The following PLEKHG4B variants were observed in gnomAD, a reference collection of about 807,000 sequenced individuals.
The protein encoded by PLEKHG4B is pleckstrin homology and RhoGEF domain containing G4B.
In PLEKHG4B, 111 loss-of-function variants were observed where a neutral mutation model predicts 121.3. The observed-to-expected ratio is 0.92, with a 90% CI of 0.78 to 1.07. The LOEUF is 1.07. PLEKHG4B is among the 50% of genes least tolerant of loss of function. The probability of loss-of-function intolerance (pLI) is 0.00; values close to 1 mark genes in which losing one functional copy is unlikely to be tolerated. For missense variants in PLEKHG4B, 1,831 were observed against 1,757.8 expected, an observed-to-expected ratio of 1.04 and a Z score of -0.74; for synonymous variants, 738 against 725.0, an observed-to-expected ratio of 1.02 and a Z score of -0.29.
In PLEKHG4B at chr5:181,502, C is replaced by A; in HGVS notation, c.4403-12C>A. 1 of 1,610,948 alleles carries A rather than the reference C, an allele frequency of 6.2e-7. No individual in the cohort carries two copies. The highest frequency in any genetic ancestry group is 8.5e-7 in the Non-Finnish European group (1 of 1,178,344). On this transcript the variant is annotated splice_polypyrimidine_tract_variant and intron_variant, in intron 18 of 19. Transcript: ENST00000637938. ...GTTGCTTTGGAAACTGTCATACTTTCTTCTGTCTTAGAACTCAGAATCCAA... is the reference window on the plus strand; with the variant it reads ...GTTGCTTTGGAAACTGTCATACTTTATTCTGTCTTAGAACTCAGAATCCAA...
chr5:143,272 A>G lies in PLEKHG4B; in HGVS notation c.1687+16A>G, dbSNP rs776335363. 9 of 1,609,476 alleles carry G rather than the reference A, an allele frequency of 5.6e-6. No individual in the cohort carries two copies. In the East Asian group the frequency reaches 2.0e-4, roughly 36 times the overall value. ...ACCCTCCCAGGTGAGAGCACATGCC[A>G]GGCTCTCCTGTCAGGGCGGATCTGA... On this transcript the variant is annotated intron_variant, in intron 4 of 19. Coordinates refer to ENST00000637938, the MANE Select transcript of PLEKHG4B (RefSeq NM_052909.5).
chr5:179,240 C>T (rs1736859139), intron 18 of PLEKHG4B, among the ~76,000 whole-genome samples: 1 of 152,086 alleles, frequency 6.6e-6, no homozygotes, highest in Non-Finnish European at 1.5e-5. Flanking sequence ...TTTGACTAAC[C>T]TTGTCTTTAA....
intron 2 of PLEKHG4B, among the ~76,000 whole-genome samples, chr5:131,476 G>T (rs1364614433): frequency 3.3e-5 from 5 of 152,094 alleles, no homozygotes; most frequent in Admixed American, 3.3e-4. Context: ...GTATTCCATG[G>T]TGTATATGTG....
chr5:99,497 T>C lies in PLEKHG4B; in HGVS notation c.45+7221T>C, dbSNP rs756500034. Among the ~76,000 whole-genome samples the C allele has an allele frequency of 2.6e-5, 4 of 152,196 alleles. No homozygotes were observed. In the South Asian group the frequency reaches 8.3e-4, roughly 31 times the overall value. On this transcript the variant is annotated intron_variant, in intron 1 of 19. Transcript: ENST00000637938. ...TTCCTAGGTATTTAATTCTTTTAGATGCTATTGTGAATGGAATCATTTTCT... is the reference window on the plus strand; with the variant it reads ...TTCCTAGGTATTTAATTCTTTTAGACGCTATTGTGAATGGAATCATTTTCT...
intron 6 of PLEKHG4B, among the ~76,000 whole-genome samples, chr5:150,267 C>G (rs1222133884): frequency 6.6e-6 from 1 of 152,192 alleles, no homozygotes. Context: ...CACAAAAAGA[C>G]AAACATTCCA....
At position 151,552 on chromosome 5, in the gene PLEKHG4B, G is replaced by A. The variant is rs1041666265; in HGVS notation, c.1945G>A (p.Val649Ile). Residue 649 changes from valine (V) to isoleucine (I), a missense_variant, in exon 7 of 20, where the codon GTA (valine) becomes ATA (isoleucine). By Grantham distance (29) the Val-to-Ile change is conservative (BLOSUM62 3). Transcript: ENST00000637938. ...SPIIHSILLLVDKESAFRPDK... is the reference protein window; with the variant it reads ...SPIIHSILLLIDKESAFRPDK... ...TATAATTCATAGTATCTTGCTGTTG[G>A]TAGATAAAGAATCTGCATTTAGGCC... The A allele has an allele frequency of 6.3e-7, 1 of 1,590,274 alleles. No individual in the cohort carries two copies. Among genetic ancestry groups the A allele is most frequent in the Non-Finnish European group, 8.6e-7 (1 of 1,159,460 alleles).
rs975657660 is a variant in PLEKHG4B at position 156,972 on chromosome 5, G to A, written c.2487+61G>A. 8 of 1,586,110 alleles carry A rather than the reference G, an allele frequency of 5.0e-6. No homozygotes were observed. Among genetic ancestry groups the A allele is most frequent in the Non-Finnish European group, 6.9e-6 (8 of 1,165,434 alleles). Reference sequence around the variant, plus strand: ...TCCCCTCCAGGCCAGGCTGGCCAAGGCAACCCTCTCACCTTCACACTGTGT... The same window carrying A: ...TCCCCTCCAGGCCAGGCTGGCCAAGACAACCCTCTCACCTTCACACTGTGT... On this transcript the variant is annotated intron_variant, in intron 11 of 19. Transcript: ENST00000637938. This position sits in a 1 kb window ranked among gnomAD's most constrained non-coding sequence, Gnocchi z 4.4.
chr5:138,208 A>G (rs548931420), intron 2 of PLEKHG4B, among the ~76,000 whole-genome samples: 2 of 152,366 alleles, frequency 1.3e-5, no homozygotes, highest in South Asian at 4.1e-4. Context: ...AGTTTTCTGC[A>G]TTACATTACT....
At chr5:168,971 G>A (rs1371629533) in intron 13 of PLEKHG4B, 3 of 248,328 alleles carry the variant, frequency 1.2e-5, no homozygotes, top group African/African-American at 4.7e-5. Context: ...CGCCTCCCAG[G>A]TTCAAGTGAT....
intron 5 of PLEKHG4B, among the ~76,000 whole-genome samples, chr5:143,862 A>G (rs1579284730): frequency 6.6e-6 from 1 of 152,240 alleles, no homozygotes; most frequent in Non-Finnish European, 1.5e-5. Context: ...CTGTAAGATC[A>G]GTGTCCAGAC....
chr5:109,470 A>ACCCC (rs200949219), intron 1 of PLEKHG4B, among the ~76,000 whole-genome samples: 1 of 148,532 alleles, frequency 6.7e-6, no homozygotes, highest in African/African-American at 2.6e-5. Context: ...TACCTCCCAT[A>ACCCC]CCCACCCCCA....
chr5:144,626 G>C (rs1171528035), intron 5 of PLEKHG4B, among the ~76,000 whole-genome samples: 1 of 152,170 alleles, frequency 6.6e-6, no homozygotes, highest in Non-Finnish European at 1.5e-5. Flanking sequence ...ATCAGTAGCA[G>C]GTTCCACGAG....
intron 2 of PLEKHG4B, among the ~76,000 whole-genome samples, chr5:116,854 TG>T (rs1460811622): frequency 6.6e-6 from 1 of 152,170 alleles, no homozygotes; most frequent in Admixed American, 6.5e-5. Context: ...TTATGTGAGG[TG>T]GTCTGTTCAG....
Position 162,742 on chromosome 5 carries a change from C to G in PLEKHG4B, c.2670C>G (p.Pro890=). ...LCETVSSWMG[P]LDPEACPSSP... is the part of the protein sequence containing the mutation. ...CACAGGTGAGCAGCTGGATGGGGCC[C>G]CTGGACCCGGAGGCTTGTCCCTCCT... The change falls in exon 13 of 20, where the codon CCC becomes CCG. Residue 890 remains proline (P), a synonymous_variant. Transcript: ENST00000637938. 6.9e-7 allele frequency: 1 copy of G among 1,459,162 alleles called. No homozygotes were observed. Among genetic ancestry groups the G allele is most frequent in the South Asian group, 1.5e-5 (1 of 68,058 alleles). The allele number at this position is 1,459,162 out of a possible 1,614,324, so 90.4% of individuals were successfully genotyped here. A position where few individuals can be genotyped will look rare whatever the true frequency, so the allele number is the denominator to read the frequency against.
intron 14 of PLEKHG4B, among the ~76,000 whole-genome samples, chr5:170,570 G>T (rs926398157): frequency 1.3e-5 from 2 of 152,198 alleles, no homozygotes; most frequent in Non-Finnish European, 2.9e-5. Context: ...AAAGTGCTGG[G>T]ATTACAGGTG....
intron 2 of PLEKHG4B, among the ~76,000 whole-genome samples, chr5:124,718 TG>T (rs777756760): frequency 1.2e-4 from 19 of 152,374 alleles, no homozygotes; most frequent in Non-Finnish European, 2.4e-4. Flanking sequence ...TGCTGTCTCT[TG>T]GTTACTATTT....
intron 6 of PLEKHG4B, among the ~76,000 whole-genome samples, chr5:148,523 G>A (rs1037585006): frequency 7.9e-5 from 12 of 152,048 alleles, no homozygotes; most frequent in African/African-American, 2.9e-4. Context: ...ATTAACCAAA[G>A]AAGTGAAAGA....
rs1257985978 is a variant in PLEKHG4B at position 138,894 on chromosome 5, ATAGT to A, written c.244-586_244-583del. The stretch of plus-strand genomic sequence containing the variant: ...GCTAATGAAATCACATTGGGTGAAA[ATAGT>A]TAAAGTACACAATTGTAAATGGAGT... On this transcript the variant is annotated intron_variant, in intron 2 of 19. Transcript: ENST00000637938. Among the ~76,000 whole-genome samples, 10 of 152,382 alleles carry A rather than the reference ATAGT, an allele frequency of 6.6e-5. No individual in the cohort carries two copies. In the East Asian group the frequency reaches 7.7e-4, roughly 12 times the overall value.
intron 1 of PLEKHG4B, among the ~76,000 whole-genome samples, chr5:102,556 C>T (rs970344262): frequency 3.3e-5 from 5 of 152,170 alleles, no homozygotes; most frequent in African/African-American, 9.7e-5. Flanking sequence ...GCACCTGCCC[C>T]GTCTCTGCCC....
Sources: allele counts gnomAD v4.1 joint callset (sites outside exome capture counted in the v4.1 genomes callset), GRCh38; gene constraint gnomAD v4.1.1; non-coding constraint Gnocchi (gnomAD v3.1); transcripts MANE v1.5; gene names NCBI Gene and HGNC (gene_info 2026-07-23, HGNC 2026-07-21).